SGMS2: variants seen among roughly 807,000 people sequenced by gnomAD.
SGMS2 encodes the protein phosphatidylcholine:ceramide cholinephosphotransferase 2.
In SGMS2, 21 loss-of-function variants were observed where a neutral mutation model predicts 43.8. The ratio of observed to expected loss-of-function variants is 0.48; its 90% confidence interval spans 0.34 to 0.69. SGMS2 has a LOEUF of 0.69. SGMS2 is among the 30% of genes least tolerant of loss of function. The pLI is 0.01. For missense variants in SGMS2, 384 were observed against 443.2 expected, an observed-to-expected ratio of 0.87 and a Z score of 1.20; for synonymous variants, 167 against 160.6, an observed-to-expected ratio of 1.04 and a Z score of -0.30.
At chr4:107,897,755 A>C (rs1730798084) in intron 3 of SGMS2, among the ~76,000 whole-genome samples, 1 of 152,162 alleles carries the variant, frequency 6.6e-6, no homozygotes, top group African/African-American at 2.4e-5. Context: ...GCCTTTTTAC[A>C]TTTGAAGTAG....
intron 1 of SGMS2, among the ~76,000 whole-genome samples, chr4:107,838,656 T>C (rs2125994979): frequency 6.6e-6 from 1 of 152,290 alleles, no homozygotes; most frequent in East Asian, 1.9e-4. Context: ...ATAATCTGGT[T>C]TTCTGTTTAT....
chr4:107,867,922 A>G (rs1728250972), intron 2 of SGMS2: 1 of 152,210 alleles, frequency 6.6e-6, no homozygotes, highest in Non-Finnish European at 1.5e-5. Flanking sequence ...GGCTATATAA[A>G]TTTAAATCAT....
chr4:107,886,855 G>A (rs750551051), intron 2 of SGMS2: 1 of 152,102 alleles, frequency 6.6e-6, no homozygotes, highest in Non-Finnish European at 1.5e-5. Flanking sequence ...GATTCTTATT[G>A]CACTTACGCA....
chr4:107,828,267 G>A (rs1439953246), intron 1 of SGMS2, among the ~76,000 whole-genome samples: 1 of 152,020 alleles, frequency 6.6e-6, no homozygotes, highest in African/African-American at 2.4e-5. Flanking sequence ...CTTACTATGG[G>A]CCAGGCAACG....
chr4:107,891,721 A>G (rs1490084829), intron 2 of SGMS2, among the ~76,000 whole-genome samples: 1 of 152,148 alleles, frequency 6.6e-6, no homozygotes, highest in Non-Finnish European at 1.5e-5. Flanking sequence ...AGGGCATGAA[A>G]GATTGGTTGG....
intron 3 of SGMS2, among the ~76,000 whole-genome samples, chr4:107,896,529 G>A (rs1178997836): frequency 6.6e-6 from 1 of 152,046 alleles, no homozygotes; most frequent in Admixed American, 6.6e-5. Flanking sequence ...GTGTGGATGT[G>A]GTTTCGGTTT....
At chr4:107,854,148 A>C (rs1727297631) in intron 1 of SGMS2, among the ~76,000 whole-genome samples, 1 of 152,240 alleles carries the variant, frequency 6.6e-6, no homozygotes, top group African/African-American at 2.4e-5. Flanking sequence ...GATGGAATGA[A>C]AACGGCTGAT....
intron 2 of SGMS2, among the ~76,000 whole-genome samples, chr4:107,884,525 T>G (rs1275527456): frequency 1.3e-5 from 2 of 151,868 alleles, no homozygotes; most frequent in African/African-American, 2.4e-5. Flanking sequence ...GAAAGGAAAA[T>G]ATCTCTGGGC....
chr4:107,910,150 C>T (rs145509790), intron 6 of SGMS2, among the ~76,000 whole-genome samples, 200 bp from the exon 7 acceptor site: 1 of 152,164 alleles, frequency 6.6e-6, no homozygotes, highest in Non-Finnish European at 1.5e-5. Flanking sequence ...TTGCATGAGC[C>T]ACAAAGGAAA....
intron 2 of SGMS2, among the ~76,000 whole-genome samples, chr4:107,879,251 C>A (rs1560655387): frequency 1.3e-5 from 2 of 151,950 alleles, no homozygotes; most frequent in Admixed American, 1.3e-4. Flanking sequence ...ACAGTTTACA[C>A]AAATTTTGTT....
chr4:107,864,091 G>A (rs1421138535), intron 2 of SGMS2: 4 of 152,278 alleles, frequency 2.6e-5, no homozygotes, highest in African/African-American at 9.6e-5. Context: ...AAAACCCTGT[G>A]CTGGGCTGAA....
chr4:107,878,117 T>C (rs1224949435), intron 2 of SGMS2, among the ~76,000 whole-genome samples: 1 of 152,048 alleles, frequency 6.6e-6, no homozygotes, highest in African/African-American at 2.4e-5. Context: ...GGTTTCACCA[T>C]GTTGGCCAGG....
chr4:107,877,996 A>G (rs545381733), intron 2 of SGMS2, among the ~76,000 whole-genome samples: 1 of 146,046 alleles, frequency 6.8e-6, no homozygotes, highest in Admixed American at 6.9e-5. Context: ...GCTCACTGCA[A>G]CCTCCACCTC....
chr4:107,899,333 C>T, intron 3 of SGMS2, among the ~76,000 whole-genome samples: 1 of 152,162 alleles, frequency 6.6e-6, no homozygotes, highest in Non-Finnish European at 1.5e-5. Context: ...GGAAGCCAAA[C>T]CACCTAGATT....
chr4:107,874,013 C>T (rs1052889656), intron 2 of SGMS2: 2 of 152,120 alleles, frequency 1.3e-5, no homozygotes, highest in African/African-American at 4.8e-5. Flanking sequence ...TTTCCAAACT[C>T]ATTTCTCTCT....
chr4:107,856,233 TTAAAA>T (rs1280765973), intron 1 of SGMS2, among the ~76,000 whole-genome samples: 2 of 152,198 alleles, frequency 1.3e-5, no homozygotes, highest in African/African-American at 2.4e-5. Flanking sequence ...TACATATACT[TTAAAA>T]TAAATCATGA....
At chr4:107,860,764 A>G (rs963992994) in intron 2 of SGMS2, among the ~76,000 whole-genome samples, 3 of 152,140 alleles carry the variant, frequency 2.0e-5, no homozygotes, top group African/African-American at 7.2e-5. Flanking sequence ...ACCTCAGGTA[A>G]TCCGCCTGCC....
At chr4:107,873,078 G>A (rs747148382) in intron 2 of SGMS2, among the ~76,000 whole-genome samples, 7 of 152,174 alleles carry the variant, frequency 4.6e-5, no homozygotes, top group Admixed American at 2.0e-4. Flanking sequence ...TTTATGCTCC[G>A]TTCTGATTAC....
In SGMS2 at chr4:107,871,965, A is replaced by G. The variant is rs2126059453; in HGVS notation, c.-245+13412A>G. 2.6e-5 allele frequency among the ~76,000 whole-genome samples: 4 copies of G among 152,352 alleles called. No homozygotes were observed. The South Asian group carries it at 8.3e-4, about 32-fold the overall frequency. Reference sequence around the variant, plus strand: ...TAAAAAAACAGCACTGGGATGATCAATTAAATAAAAGTCCATCATGACCAG... The same window carrying G: ...TAAAAAAACAGCACTGGGATGATCAGTTAAATAAAAGTCCATCATGACCAG... On this transcript the variant is annotated intron_variant, in intron 2 of 6. Transcript: ENST00000690982.
Sources: gnomAD v4.1 joint callset for allele counts (sites outside exome capture counted in the v4.1 genomes callset) on GRCh38, gnomAD v4.1.1 for gene constraint, MANE v1.5 for transcripts, NCBI Gene and HGNC (gene_info 2026-07-23, HGNC 2026-07-21) for gene names.